EZR: variants seen among roughly 807,000 people sequenced by gnomAD.
The protein encoded by EZR is ezrin.
EZR carries 40 observed loss-of-function variants against 74.8 expected under a neutral mutation model. The observed-to-expected ratio is 0.53, with a 90% CI of 0.42 to 0.70. The LOEUF is 0.70. Ranked by LOEUF, EZR falls within the 30% of genes least tolerant of loss-of-function variation. The pLI is 0.00. For missense variants in EZR, 678 were observed against 755.8 expected, an observed-to-expected ratio of 0.90 and a Z score of 1.21; for synonymous variants, 341 against 283.3, an observed-to-expected ratio of 1.20 and a Z score of -2.05.
chr6:158,810,569 G>A (rs1777432872), intron 2 of EZR, among the ~76,000 whole-genome samples: 2 of 152,194 alleles, frequency 1.3e-5, no homozygotes, highest in South Asian at 4.1e-4. Flanking sequence ...CATGAAGGTG[G>A]TACCCATGTG....
chr6:158,816,914 CCT>C (rs958123296), intron 2 of EZR, among the ~76,000 whole-genome samples: 1 of 152,036 alleles, frequency 6.6e-6, no homozygotes, highest in African/African-American at 2.4e-5. Flanking sequence ...GGTGAAACCC[CCT>C]CTCTATAAAA....
At chr6:158,780,456 G>A (rs896042933) in intron 7 of EZR, among the ~76,000 whole-genome samples, 2 of 152,124 alleles carry the variant, frequency 1.3e-5, no homozygotes, top group African/African-American at 4.8e-5. Context: ...AGGGCCAGAG[G>A]GTGACAGTGG....
At position 158,766,622 on chromosome 6, in the gene EZR, C is replaced by CA. The variant is rs1358484678; in HGVS notation, c.*291dup. Reference sequence around the variant, plus strand: ...ACAGGCCAGCATGAAGTTTCTTACTCAGACTTTACAGGCATTTTCCGTAAT... The same window carrying CA: ...ACAGGCCAGCATGAAGTTTCTTACTCAAGACTTTACAGGCATTTTCCGTAAT... On this transcript the variant is annotated 3_prime_UTR_variant, in exon 14 of 14. Transcript: ENST00000367075. 1 of 363,476 alleles carries CA rather than the reference C, an allele frequency of 2.8e-6. No homozygotes were observed. Among genetic ancestry groups the CA allele is most frequent in the African/African-American group, 2.1e-5 (1 of 47,992 alleles). 22.5% of individuals were successfully genotyped at this position (363,476 alleles called of 1,614,324 possible).
At chr6:158,803,607 AT>A (rs1777258894) in intron 2 of EZR, among the ~76,000 whole-genome samples, 3 of 15,138 alleles carry the variant, frequency 2.0e-4, no homozygotes, top group African/African-American at 6.3e-4. Flanking sequence ...ATATATATAC[AT>A]ATATATATAT....
intron 2 of EZR, among the ~76,000 whole-genome samples, chr6:158,815,770 G>A (rs1317217879): frequency 1.3e-5 from 2 of 152,048 alleles, no homozygotes; most frequent in African/African-American, 2.4e-5. Context: ...CACCTCGCCT[G>A]GCCTCAAAAA....
intron 12 of EZR, 54 bp from the exon 13 acceptor site, chr6:158,767,566 G>T: frequency 6.6e-7 from 1 of 1,523,344 alleles, no homozygotes; most frequent in Non-Finnish European, 8.8e-7. Flanking sequence ...CTATCCTCCT[G>T]GCTATGAGAA....
At chr6:158,808,398 T>C (rs1454525578) in intron 2 of EZR, among the ~76,000 whole-genome samples, 2 of 152,256 alleles carry the variant, frequency 1.3e-5, no homozygotes, top group Non-Finnish European at 2.9e-5. Context: ...GCTATCCCTG[T>C]TGAAGTCAAC....
At chr6:158,792,561 C>CGCCT (rs10655244) in intron 2 of EZR, among the ~76,000 whole-genome samples, 117,748 of 151,670 alleles carry the variant, frequency 0.78, 47,594 homozygotes, top group African/African-American at 0.91. Context: ...CAGTGGCTCA[C>CGCCT]GTAATCCCAG....
intron 2 of EZR, among the ~76,000 whole-genome samples, chr6:158,812,114 C>T (rs989638318): frequency 6.6e-6 from 1 of 152,152 alleles, no homozygotes; most frequent in African/African-American, 2.4e-5. Flanking sequence ...TGTTGAATGG[C>T]CTGCCCAAGT....
intron 1 of EZR, among the ~76,000 whole-genome samples, chr6:158,818,818 G>A (rs1583596483): frequency 1.4e-5 from 2 of 147,722 alleles, no homozygotes; most frequent in South Asian, 4.3e-4. Context: ...ACCCGACAGG[G>A]AGGGGTCAGG....
Position 158,767,060 on chromosome 6 carries a change from A to C in EZR, c.1615T>G (p.Ser539Ala). 6.2e-7 allele frequency: 1 copy of C among 1,614,020 alleles called. No individual in the cohort carries two copies. The highest frequency in any genetic ancestry group is 8.5e-7 in the Non-Finnish European group (1 of 1,179,996). Residue 539 changes from serine (S) to alanine (A), a missense_variant, in exon 14 of 14, where the codon TCC (serine) becomes GCC (alanine). Physicochemically the swap from Ser to Ala is moderately conservative, Grantham distance 99 (BLOSUM62 1). Transcript: ENST00000367075. ...RQLLTLSSELSQARDENKRTH... is the reference protein window; with the variant it reads ...RQLLTLSSELAQARDENKRTH... Reference sequence around the variant, plus strand: ...CTCTTATTCTCATCTCGGGCCTGGGACAGCTCGCTGCTCAGCGTCTGTAAC... The same window carrying C: ...CTCTTATTCTCATCTCGGGCCTGGGCCAGCTCGCTGCTCAGCGTCTGTAAC...
chr6:158,780,915 C>T (rs1791417441), intron 7 of EZR, among the ~76,000 whole-genome samples: 1 of 152,190 alleles, frequency 6.6e-6, no homozygotes, highest in African/African-American at 2.4e-5. Flanking sequence ...AATAGTCCTA[C>T]ATGCTCCCAC....
At chr6:158,807,923 C>A (rs934573748) in intron 2 of EZR, among the ~76,000 whole-genome samples, 2 of 152,140 alleles carry the variant, frequency 1.3e-5, no homozygotes, top group African/African-American at 4.8e-5. Flanking sequence ...ATTTCAGGCT[C>A]AAATACACAT....
Position 158,767,513 on chromosome 6 carries a change from C to T in EZR, c.1345-1G>A, listed in dbSNP as rs775591122. 1.3e-6 allele frequency: 2 copies of T among 1,570,780 alleles called. No individual in the cohort carries two copies. The highest frequency in any genetic ancestry group is 1.9e-5 in the Admixed American group (1 of 53,146). On this transcript the variant is annotated splice_acceptor_variant, in intron 12 of 13. Coordinates refer to ENST00000367075, the MANE Select transcript of EZR (RefSeq NM_001111077.2). LOFTEE classifies it high-confidence loss of function. ...CCAGGTCATCCTGGGCTTCTTTGGC[C>T]TTTGGAAAGCAAATTAATAAGAGGA...
At chr6:158,770,414 C>T (rs1303625935) in intron 10 of EZR, among the ~76,000 whole-genome samples, 2 of 152,160 alleles carry the variant, frequency 1.3e-5, no homozygotes, top group Non-Finnish European at 1.5e-5. Context: ...GTCTAGAGGT[C>T]GAGGGCAGTG....
At chr6:158,808,528 G>T (rs562381401) in intron 2 of EZR, among the ~76,000 whole-genome samples, 2 of 152,312 alleles carry the variant, frequency 1.3e-5, no homozygotes, top group East Asian at 1.9e-4. Flanking sequence ...TGACCATCAC[G>T]AGCTAGTAAA....
chr6:158,816,779 A>T (rs1197103857), intron 2 of EZR, among the ~76,000 whole-genome samples: 2 of 152,230 alleles, frequency 1.3e-5, no homozygotes, highest in African/African-American at 2.4e-5. Flanking sequence ...TAGAGAACAT[A>T]AAATGTAACA....
At chr6:158,768,976 T>C (rs1318746549) in intron 12 of EZR, among the ~76,000 whole-genome samples, 1 of 152,120 alleles carries the variant, frequency 6.6e-6, no homozygotes, top group Non-Finnish European at 1.5e-5. Context: ...GGGGCACATA[T>C]ATAATTAGAT....
intron 8 of EZR, among the ~76,000 whole-genome samples, chr6:158,773,706 G>A (rs958095703): frequency 3.9e-5 from 6 of 152,244 alleles, no homozygotes; most frequent in Admixed American, 2.6e-4. Context: ...AGGCAGCCGC[G>A]GGAGGCAAAA....
Sources: gnomAD v4.1 joint callset for allele counts (sites outside exome capture counted in the v4.1 genomes callset) on GRCh38, gnomAD v4.1.1 for gene constraint, MANE v1.5 for transcripts, NCBI Gene and HGNC (gene_info 2026-07-23, HGNC 2026-07-21) for gene names.